Variants in DENND1A observed in about 807,000 individuals in gnomAD.
DENND1A encodes the protein DENN domain containing 1A.
In DENND1A, 51 loss-of-function variants were observed where a neutral mutation model predicts 113.7. The observed-to-expected ratio is 0.45, with a 90% CI of 0.36 to 0.57. The LOEUF is 0.57. Among genes scored for constraint, DENND1A ranks in the 20% least tolerant of loss-of-function variants. The pLI, the probability that DENND1A is intolerant of heterozygous loss-of-function variation, is 0.00. For synonymous variants in DENND1A, 565 were observed against 570.8 expected, an observed-to-expected ratio of 0.99 and a Z score of 0.14; for missense variants, 1,258 against 1,395.9, an observed-to-expected ratio of 0.90 and a Z score of 1.57.
At chr9:123,450,941 A>T (rs2047675699) in intron 17 of DENND1A, among the ~76,000 whole-genome samples, 192 bp from the exon 18 acceptor site, 1 of 152,098 alleles carries the variant, frequency 6.6e-6, no homozygotes, top group Non-Finnish European at 1.5e-5. Context: ...ACCCTTAAAG[A>T]GGCTGCAGAG....
intron 8 of DENND1A, among the ~76,000 whole-genome samples, chr9:123,660,123 C>T (rs532293661): frequency 6.6e-6 from 1 of 152,210 alleles, no homozygotes; most frequent in Non-Finnish European, 1.5e-5. Flanking sequence ...ACTGTGCTTA[C>T]GAGCAGACCT....
rs1189603257 is a variant in DENND1A, at chr9:123,707,055, A to G, written c.303-30266T>C. Among the ~76,000 whole-genome samples the G allele has an allele frequency of 2.0e-5, 3 of 152,170 alleles. No individual in the cohort carries two copies. The East Asian group carries it at 5.8e-4, about 29-fold the overall frequency. ...GAGTTGTCAGAAGGTGTTAATAGAC[A>G]TGACATGACACTGGGTGCAATGAAG... On this transcript the variant is annotated intron_variant, in intron 5 of 23. Coordinates refer to ENST00000394215, the MANE Select transcript of DENND1A (RefSeq NM_001352964.2).
At chr9:123,418,892 G>A (rs1315215820) in intron 19 of DENND1A, among the ~76,000 whole-genome samples, 1 of 152,240 alleles carries the variant, frequency 6.6e-6, no homozygotes, top group African/African-American at 2.4e-5. Flanking sequence ...GTGCTATGAT[G>A]TTTGTGCATG....
intron 5 of DENND1A, among the ~76,000 whole-genome samples, chr9:123,736,197 T>C (rs2130968992): frequency 6.6e-6 from 1 of 152,316 alleles, no homozygotes; most frequent in South Asian, 2.1e-4. Flanking sequence ...CAAGTCAGTG[T>C]ATGAGAACAC....
At chr9:123,634,234 A>G (rs1357964301) in intron 9 of DENND1A, among the ~76,000 whole-genome samples, 1 of 152,224 alleles carries the variant, frequency 6.6e-6, no homozygotes, top group African/African-American at 2.4e-5. Flanking sequence ...AAAACAAAAA[A>G]TCAAGCTTTT....
intron 13 of DENND1A, among the ~76,000 whole-genome samples, chr9:123,522,935 C>A (rs1037291372): frequency 2.0e-5 from 3 of 152,160 alleles, no homozygotes; most frequent in South Asian, 2.1e-4. Flanking sequence ...CTTTAAGAGG[C>A]CCCACTATGT....
At chr9:123,498,067 G>C (rs1039307334) in intron 13 of DENND1A, among the ~76,000 whole-genome samples, 7 of 152,214 alleles carry the variant, frequency 4.6e-5, no homozygotes, top group Non-Finnish European at 8.8e-5. Context: ...ACTTGTAATA[G>C]AAGAATTTCC....
chr9:123,523,799 C>T (rs1356138305), intron 13 of DENND1A, among the ~76,000 whole-genome samples: 2 of 152,132 alleles, frequency 1.3e-5, no homozygotes, highest in African/African-American at 4.8e-5. Flanking sequence ...AATGTATGGG[C>T]TATATGCAGA....
intron 1 of DENND1A, among the ~76,000 whole-genome samples, chr9:123,895,348 T>C (rs1850566865): frequency 6.6e-6 from 1 of 152,080 alleles, no homozygotes; most frequent in Admixed American, 6.6e-5. Flanking sequence ...CGGTCGGGTA[T>C]GGTGGTTCAC....
intron 5 of DENND1A, among the ~76,000 whole-genome samples, chr9:123,728,117 A>G (rs2067847210): frequency 6.6e-6 from 1 of 151,598 alleles, no homozygotes; most frequent in Non-Finnish European, 1.5e-5. Flanking sequence ...AAAAAAAAAA[A>G]AGAATCCCTA....
At position 123,381,281 on chromosome 9, in the gene DENND1A, AGTGTG is replaced by A. The variant is rs2042252814; in HGVS notation, c.*146_*150del. On this transcript the variant is annotated 3_prime_UTR_variant, in exon 24 of 24. Transcript: ENST00000394215. This position sits in a 1 kb window ranked among gnomAD's most constrained non-coding sequence, Gnocchi z 4.7. ...CCAGGGCCAGACATCAGAGATGGGC[AGTGTG>A]GAGGGGAGGAGGGGGCAGCAGAGAG... The A allele has an allele frequency of 2.9e-6, 2 of 700,424 alleles. No individual in the cohort carries two copies. The highest frequency in any genetic ancestry group is 1.9e-5 in the South Asian group (1 of 53,336). 43.4% of individuals were successfully genotyped at this position (700,424 alleles called of 1,614,324 possible). A position where few individuals can be genotyped will look rare whatever the true frequency, so the allele number is the denominator to read the frequency against.
chr9:123,676,766 A>C lies in DENND1A; in HGVS notation c.326T>G (p.Phe109Cys). 6.2e-7 allele frequency: 1 copy of C among 1,614,098 alleles called. No individual in the cohort carries two copies. The highest frequency in any genetic ancestry group is 8.5e-7 in the Non-Finnish European group (1 of 1,179,990). ...ILSYLPWFEV[F>C]YKLLNILADY... is the part of the protein sequence containing the mutation. Reference sequence around the variant, plus strand: ...TGCCAGGATGTTAAGCAGCTTATAAAATACCTCGAACCAGGGGAGATAGCT... The same window carrying C: ...TGCCAGGATGTTAAGCAGCTTATAACATACCTCGAACCAGGGGAGATAGCT... Residue 109 changes from phenylalanine to cysteine, a missense_variant, in exon 6 of 24, where the codon TTT (phenylalanine) becomes TGT (cysteine). By Grantham distance (205) the Phe-to-Cys change is radical. Transcript: ENST00000394215.
intron 1 of DENND1A, among the ~76,000 whole-genome samples, chr9:123,912,373 T>C (rs1854162640): frequency 6.6e-6 from 1 of 152,148 alleles, no homozygotes; most frequent in Non-Finnish European, 1.5e-5. Flanking sequence ...TATCACATTG[T>C]TGGAGCCAGA....
chr9:123,707,700 T>G (rs1034001404), intron 5 of DENND1A, among the ~76,000 whole-genome samples: 8 of 152,178 alleles, frequency 5.3e-5, no homozygotes, highest in Admixed American at 5.2e-4. Flanking sequence ...GAAGCCTGAT[T>G]GGAATGACTT....
chr9:123,720,819 C>T (rs1389418031), intron 5 of DENND1A, among the ~76,000 whole-genome samples: 2 of 152,168 alleles, frequency 1.3e-5, no homozygotes, highest in African/African-American at 4.8e-5. Flanking sequence ...ACTTGGGGAA[C>T]ACAAACAACT....
In DENND1A at chr9:123,457,452, C is replaced by T. The variant is rs1179696884; in HGVS notation, c.1099-17G>A. On this transcript the variant is annotated splice_polypyrimidine_tract_variant and intron_variant, in intron 14 of 23. Transcript: ENST00000394215. ...ATCAATAAACTATAGAAAGAAGGAACAAAAGCACAACAGCTCGTACAAAGA... is the reference window on the plus strand; with the variant it reads ...ATCAATAAACTATAGAAAGAAGGAATAAAAGCACAACAGCTCGTACAAAGA... The T allele has an allele frequency of 6.3e-7, 1 of 1,593,616 alleles. No individual in the cohort carries two copies. The highest frequency in any genetic ancestry group is 1.1e-5 in the South Asian group (1 of 90,590).
At chr9:123,685,333 T>C (rs2064742910) in intron 5 of DENND1A, among the ~76,000 whole-genome samples, 1 of 152,224 alleles carries the variant, frequency 6.6e-6, no homozygotes, top group South Asian at 2.1e-4. Flanking sequence ...TCTCAAACTG[T>C]AAATTGATTA....
intron 3 of DENND1A, among the ~76,000 whole-genome samples, chr9:123,785,170 G>T (rs529926258): frequency 6.6e-6 from 1 of 151,946 alleles, no homozygotes; most frequent in African/African-American, 2.4e-5. Flanking sequence ...TAAGACCCCC[G>T]TCTCTAAAAA....
At chr9:123,410,678 C>A (rs912648668) in intron 20 of DENND1A, among the ~76,000 whole-genome samples, 1 of 152,204 alleles carries the variant, frequency 6.6e-6, no homozygotes, top group South Asian at 2.1e-4. Flanking sequence ...CCCAGGTGAA[C>A]AGACACAGTT....
Sources: allele counts gnomAD v4.1 joint callset (sites outside exome capture counted in the v4.1 genomes callset), GRCh38; gene constraint gnomAD v4.1.1; non-coding constraint Gnocchi (gnomAD v3.1); transcripts MANE v1.5; gene names NCBI Gene and HGNC (gene_info 2026-07-23, HGNC 2026-07-21).